ULK4: variants seen among roughly 807,000 people sequenced by gnomAD.
ULK4 encodes the protein unc-51 like kinase 4, also known as inactive serine/threonine-protein kinase ULK4.
A neutral mutation model predicts 160.6 loss-of-function variants in ULK4; 133 were observed. That is an observed-to-expected ratio of 0.83 (90% CI 0.72 to 0.96). ULK4 has a LOEUF of 0.96. ULK4 is among the 40% of genes least tolerant of loss of function. The pLI is 0.00. For missense variants in ULK4, 1,580 were observed against 1,499.5 expected (o/e 1.05, Z -0.89); for synonymous variants, 534 against 539.8 (o/e 0.99, Z 0.15).
rs2079716119 is a variant in ULK4 at position 41,298,451 on chromosome 3, A to T, written c.3679-48877T>A. Among the ~76,000 whole-genome samples the T allele has an allele frequency of 4.6e-5, 7 of 152,342 alleles. No individual in the cohort carries two copies. The South Asian group carries it at 1.4e-3, about 32-fold the overall frequency. Reference sequence around the variant, plus strand: ...CTCTGTCTAATGTTTTCCTGTTGTTAAACTAATAAGTTAACCAAAATTATT... The same window carrying T: ...CTCTGTCTAATGTTTTCCTGTTGTTTAACTAATAAGTTAACCAAAATTATT... On this transcript the variant is annotated intron_variant, in intron 35 of 36. Coordinates refer to ENST00000301831, the MANE Select transcript of ULK4 (RefSeq NM_017886.4).
chr3:41,523,216 A>G (rs1233574787), intron 32 of ULK4, among the ~76,000 whole-genome samples: 1 of 152,108 alleles, frequency 6.6e-6, no homozygotes, highest in African/African-American at 2.4e-5. Flanking sequence ...GCCCCAGACC[A>G]AGTTTTATTC....
chr3:41,581,012 T>C (rs1488688134), intron 31 of ULK4, among the ~76,000 whole-genome samples: 1 of 152,206 alleles, frequency 6.6e-6, no homozygotes, highest in Non-Finnish European at 1.5e-5. Context: ...GTCAGTTTTA[T>C]TTGTGGATTA....
intron 35 of ULK4, among the ~76,000 whole-genome samples, chr3:41,372,881 G>A (rs1027848567): frequency 6.6e-6 from 1 of 152,170 alleles, no homozygotes; most frequent in Non-Finnish European, 1.5e-5. Flanking sequence ...TAGGTGCGCT[G>A]TATTCGGAGA....
At chr3:41,307,345 G>C (rs1447795332) in intron 35 of ULK4, among the ~76,000 whole-genome samples, 2 of 152,150 alleles carry the variant, frequency 1.3e-5, no homozygotes, top group Non-Finnish European at 2.9e-5. Context: ...ACCAGGGAGG[G>C]AAGCTCCAGC....
At chr3:41,907,821 A>T (rs753447994) in intron 12 of ULK4, 24 bp downstream of exon 12, 49 of 1,491,210 alleles carry the variant, frequency 3.3e-5, no homozygotes, top group Non-Finnish European at 4.1e-5. Flanking sequence ...TTATGTAGGA[A>T]GAAAATTTCC....
chr3:41,553,888 C>T (rs996595294), intron 32 of ULK4, among the ~76,000 whole-genome samples: 1 of 152,014 alleles, frequency 6.6e-6, no homozygotes, highest in African/African-American at 2.4e-5. Context: ...TTTATTATAG[C>T]CACCCTGTTG....
Position 41,954,691 on chromosome 3 carries a change from C to G in ULK4, c.69G>C (p.Arg23=). The change falls in exon 2 of 37, where the codon CGG becomes CGC. Residue 23 remains arginine, a synonymous_variant. Transcript: ENST00000301831. The part of the protein sequence containing the change: ...GSKTVVYKGR[R]KGTINFVAIL... ...TGGCTACAAAATTGATTGTTCCCTT[C>G]CGTCGCCCTTTATAGACAACAGTCT... The G allele has an allele frequency of 6.2e-7, 1 of 1,614,066 alleles. No individual in the cohort carries two copies. Among genetic ancestry groups the G allele is most frequent in the South Asian group, 1.1e-5 (1 of 91,082 alleles).
chr3:41,403,225 A>T (rs1216461210), intron 34 of ULK4, among the ~76,000 whole-genome samples: 3 of 152,038 alleles, frequency 2.0e-5, no homozygotes, highest in Non-Finnish European at 4.4e-5. Context: ...TTTTCCAGTG[A>T]AATTATCTGG....
intron 27 of ULK4, among the ~76,000 whole-genome samples, chr3:41,686,525 A>G (rs180885547): frequency 4.2e-4 from 64 of 152,338 alleles, no homozygotes; most frequent in African/African-American, 1.5e-3. Flanking sequence ...TTACTTTTAC[A>G]TTAATTTGAA....
intron 17 of ULK4, among the ~76,000 whole-genome samples, chr3:41,876,691 A>C (rs1244916144): frequency 2.0e-5 from 3 of 152,252 alleles, no homozygotes; most frequent in Non-Finnish European, 4.4e-5. Flanking sequence ...AATAAAAATG[A>C]ACTACAGGTA....
At chr3:41,510,709 T>C (rs1010732654) in intron 32 of ULK4, among the ~76,000 whole-genome samples, 2 of 152,232 alleles carry the variant, frequency 1.3e-5, no homozygotes, top group Non-Finnish European at 2.9e-5. Context: ...ACATGGTTAT[T>C]AAATAATCTG....
At chr3:41,253,059 C>A (rs1208924352) in intron 35 of ULK4, among the ~76,000 whole-genome samples, 1 of 151,976 alleles carries the variant, frequency 6.6e-6, no homozygotes, top group Admixed American at 6.5e-5. Flanking sequence ...GAAATGATAT[C>A]ATAGTTTCAA....
At chr3:41,259,077 TCTG>T (rs1240197953) in intron 35 of ULK4, among the ~76,000 whole-genome samples, 6 of 147,726 alleles carry the variant, frequency 4.1e-5, no homozygotes, top group African/African-American at 1.3e-4. Flanking sequence ...TGTATATACA[TCTG>T]ATGATATATA....
rs562374327 is a variant in ULK4 at position 41,808,951 on chromosome 3, G to A, written c.1849-8658C>T. 5.3e-5 allele frequency among the ~76,000 whole-genome samples: 8 copies of A among 152,102 alleles called. 1 individual carries two copies. The East Asian group carries it at 5.8e-4, about 11-fold the overall frequency. On this transcript the variant is annotated intron_variant, in intron 19 of 36. Coordinates refer to ENST00000301831, the MANE Select transcript of ULK4 (RefSeq NM_017886.4). ...TGGGAGGCTGAGGCGGGCGGATCAC[G>A]AGGTCAGAAGTTTGAGACAGCCTGA...
At chr3:41,428,935 C>T (rs929130204) in intron 34 of ULK4, among the ~76,000 whole-genome samples, 40 of 152,030 alleles carry the variant, frequency 2.6e-4, no homozygotes, top group Non-Finnish European at 5.3e-4. Context: ...AGAGTTTCTG[C>T]ACCACAAAAG....
intron 30 of ULK4, among the ~76,000 whole-genome samples, chr3:41,661,528 A>C (rs2125758735): frequency 6.6e-6 from 1 of 150,690 alleles, no homozygotes; most frequent in East Asian, 1.9e-4. Context: ...AGATAGATAG[A>C]TAAATAGATA....
intron 19 of ULK4, among the ~76,000 whole-genome samples, chr3:41,804,170 T>C (rs1012749012): frequency 7.9e-5 from 12 of 151,846 alleles, no homozygotes; most frequent in East Asian, 1.9e-4. Context: ...TTTTTAATGA[T>C]TGCCATTCTA....
intron 35 of ULK4, among the ~76,000 whole-genome samples, chr3:41,352,789 G>A (rs1283009442): frequency 1.3e-5 from 2 of 152,166 alleles, no homozygotes; most frequent in East Asian, 3.9e-4. Flanking sequence ...AGGAGAGTGC[G>A]TGGCTTGCAG....
At chr3:41,747,919 T>TA (rs2038473128) in intron 22 of ULK4, among the ~76,000 whole-genome samples, 1 of 152,136 alleles carries the variant, frequency 6.6e-6, no homozygotes. Flanking sequence ...CATACTCTGT[T>TA]ATGACAGCCT....
Sources: allele counts gnomAD v4.1 joint callset (sites outside exome capture counted in the v4.1 genomes callset), GRCh38; gene constraint gnomAD v4.1.1; transcripts MANE v1.5; gene names NCBI Gene and HGNC (gene_info 2026-07-23, HGNC 2026-07-21).